The following RMDN3 variants were observed in gnomAD, a reference collection of about 807,000 sequenced individuals.
The protein encoded by RMDN3 is regulator of microtubule dynamics protein 3.
A neutral mutation model predicts 61.8 loss-of-function variants in RMDN3; 41 were observed. The observed-to-expected ratio is 0.66, with a 90% confidence interval of 0.52 to 0.86. RMDN3 has a LOEUF of 0.86. Among genes scored for constraint, RMDN3 ranks in the 40% least tolerant of loss-of-function variants. The probability of loss-of-function intolerance (pLI) is 0.00; values close to 1 mark genes in which losing one functional copy is unlikely to be tolerated. For synonymous variants in RMDN3, 247 were observed against 232.0 expected, an observed-to-expected ratio of 1.06 and a Z score of -0.59; for missense variants, 557 against 585.3, an observed-to-expected ratio of 0.95 and a Z score of 0.50.
At chr15:40,743,031 T>C (rs1471789719) in intron 6 of RMDN3, among the ~76,000 whole-genome samples, 1 of 152,272 alleles carries the variant, frequency 6.6e-6, no homozygotes, top group Non-Finnish European at 1.5e-5. Context: ...ATGTTTAGAA[T>C]GTTAACTTTG....
chr15:40,750,164 C>T (rs965306964), intron 4 of RMDN3, among the ~76,000 whole-genome samples: 3 of 151,208 alleles, frequency 2.0e-5, no homozygotes, highest in African/African-American at 4.9e-5. Context: ...AACTCCCGGC[C>T]TCCCAAGTAG....
At chr15:40,754,551 G>T (rs371320841) in intron 2 of RMDN3, 46 bp downstream of exon 2, 4 of 1,554,910 alleles carry the variant, frequency 2.6e-6, no homozygotes, top group Non-Finnish European at 3.5e-6. Context: ...CAGACCTCAG[G>T]CCCATTAGTC....
At chr15:40,747,416 G>C (rs1242263576) in intron 4 of RMDN3, among the ~76,000 whole-genome samples, 2 of 152,238 alleles carry the variant, frequency 1.3e-5, no homozygotes, top group Admixed American at 1.3e-4. Flanking sequence ...AGCTGGCATA[G>C]AAAGTAGACT....
rs1446137791 is a variant in RMDN3 at position 40,737,359 on chromosome 15, GATATTTCAGTAAGAGGTTCCT to G, written c.1225-39_1225-19del. 4.3e-6 allele frequency: 7 copies of G among 1,610,124 alleles called. No homozygotes were observed. Among genetic ancestry groups the G allele is most frequent in the Non-Finnish European group, 3.4e-6 (4 of 1,176,500 alleles). On this transcript the variant is annotated intron_variant, in intron 10 of 12. Transcript: ENST00000338376. ...TCTTCAGCCTGGGAAAAGGGACAAA[GATATTTCAGTAAGAGGTTCCT>G]ATATTCTAATCAGGCTGAAGTTTAT...
chr15:40,740,223 C>CA, intron 6 of RMDN3, 30 bp from the exon 7 acceptor site: 1 of 1,504,826 alleles, frequency 6.6e-7, no homozygotes, highest in African/African-American at 1.4e-5. Flanking sequence ...CCAGAGTTGA[C>CA]ATAGCTCTTA....
At chr15:40,737,931 G>T (rs779702744) in intron 9 of RMDN3, 34 bp downstream of exon 9, 2 of 1,608,550 alleles carry the variant, frequency 1.2e-6, no homozygotes, top group Non-Finnish European at 8.5e-7. Flanking sequence ...AAGGCATTTA[G>T]GACCATTATG....
chr15:40,738,336 C>T (rs1379044209), intron 8 of RMDN3, among the ~76,000 whole-genome samples, 165 bp downstream of exon 8: 1 of 151,942 alleles, frequency 6.6e-6, no homozygotes, highest in Non-Finnish European at 1.5e-5. Flanking sequence ...GAGCCAAGAT[C>T]ACACCACTGC....
chr15:40,749,354 A>G (rs1897714168), intron 4 of RMDN3, among the ~76,000 whole-genome samples: 1 of 152,222 alleles, frequency 6.6e-6, no homozygotes, highest in South Asian at 2.1e-4. Flanking sequence ...TCTGTACAAA[A>G]AAAATAAATA....
chr15:40,751,694 T>C (rs1213609394), intron 3 of RMDN3, 125 bp from the exon 4 acceptor site: 1 of 1,420,152 alleles, frequency 7.0e-7, no homozygotes, highest in East Asian at 2.3e-5. Flanking sequence ...AAATCCTAAG[T>C]CTCTAACCCT....
At chr15:40,736,858 T>C (rs527263473) in intron 12 of RMDN3, among the ~76,000 whole-genome samples, 26 of 152,282 alleles carry the variant, frequency 1.7e-4, no homozygotes, top group African/African-American at 6.3e-4. Flanking sequence ...GCAGTTTTGT[T>C]TGGTTTTTTT....
rs970398294 is a variant in RMDN3 at position 40,744,388 on chromosome 15, ACCT to A, written c.808-242_808-240del. On this transcript the variant is annotated intron_variant, in intron 5 of 12. Transcript: ENST00000338376. ...ACAATTACGGGGTGAGGGCATTCTG[ACCT>A]CCTAGAACTGCTGGGAGGAAAGGTC... The A allele has an allele frequency of 2.4e-4, 106 of 443,784 alleles. 1 individual carries two copies. Among genetic ancestry groups the A allele is most frequent in the African/African-American group, 1.2e-3 (60 of 49,222 alleles). The allele number at this position is 443,784 out of a possible 1,614,324, so 27.5% of individuals were successfully genotyped here. A position where few individuals can be genotyped will look rare whatever the true frequency, so the allele number is the denominator to read the frequency against.
intron 4 of RMDN3, among the ~76,000 whole-genome samples, chr15:40,746,237 TGG>T (rs1897542941): frequency 6.6e-6 from 1 of 152,026 alleles, no homozygotes; most frequent in Middle Eastern, 3.2e-3. Flanking sequence ...AACACAAGGC[TGG>T]GGGCGGTGGC....
intron 12 of RMDN3, among the ~76,000 whole-genome samples, 167 bp downstream of exon 12, chr15:40,736,957 G>A (rs978530629): frequency 5.3e-5 from 8 of 152,276 alleles, no homozygotes; most frequent in Non-Finnish European, 7.4e-5. Context: ...GGATTCAAGC[G>A]ATTCTCCAGC....
chr15:40,752,488 T>TAA (rs200722805), intron 2 of RMDN3, among the ~76,000 whole-genome samples: 229 of 114,444 alleles, frequency 2.0e-3, no homozygotes, highest in African/African-American at 6.4e-3. Context: ...CTGCTAGAGT[T>TAA]AAAAAAAAAC....
intron 12 of RMDN3, among the ~76,000 whole-genome samples, chr15:40,736,856 G>GTTTGGTT (rs965365766): frequency 7.2e-5 from 11 of 152,158 alleles, no homozygotes; most frequent in African/African-American, 2.6e-4. Flanking sequence ...AGGCAGTTTT[G>GTTTGGTT]TTTGGTTTTT....
At chr15:40,747,068 T>C (rs978136093) in intron 4 of RMDN3, among the ~76,000 whole-genome samples, 3 of 151,940 alleles carry the variant, frequency 2.0e-5, no homozygotes, top group Non-Finnish European at 4.4e-5. Context: ...AAATGCAAAA[T>C]GGGTAGATGG....
Position 40,738,562 on chromosome 15 carries a change from C to A in RMDN3, c.986G>T (p.Cys329Phe). The change falls in exon 8 of 13, where the codon TGT becomes TTT. Residue 329 changes from cysteine to phenylalanine, a missense_variant. Physicochemically the swap from Cys to Phe is radical, Grantham distance 205. Coordinates refer to ENST00000338376, the MANE Select transcript of RMDN3 (RefSeq NM_018145.3). ...ADCHLWYAVL[C>F]GQLAEHESIQ... ...GCTCTCATGCTCAGCCAGCTGACCA[C>A]AAAGCACCGCATACCTAGGGGGGAA... The A allele has an allele frequency of 1.9e-6, 3 of 1,614,064 alleles. No individual in the cohort carries two copies. The South Asian group carries it at 3.3e-5, about 18-fold the overall frequency.
In RMDN3 at chr15:40,752,167, G is replaced by T; in HGVS notation, c.199C>A (p.Arg67=). The change falls in exon 3 of 13, where the codon CGG becomes AGG. Residue 67 remains arginine (R), a synonymous_variant. Coordinates refer to ENST00000338376, the MANE Select transcript of RMDN3 (RefSeq NM_018145.3). ...SDPGRHVMLL[R]AVPGGAGDAS... ...TCTCCAGCCCCACCTGGGACAGCCC[G>T]CAGGAGCATCACTGAAGGGGGAAAC... 6.2e-7 allele frequency: 1 copy of T among 1,613,606 alleles called. No homozygotes were observed. Among genetic ancestry groups the T allele is most frequent in the Non-Finnish European group, 8.5e-7 (1 of 1,179,746 alleles).
chr15:40,744,671 CCTAGAGGTGAGAGGTAGAGCT>C (rs1312355144), intron 5 of RMDN3, among the ~76,000 whole-genome samples: 2 of 151,962 alleles, frequency 1.3e-5, no homozygotes, highest in African/African-American at 4.8e-5. Context: ...CACATTTCCC[CCTAGAGGTGAGAGGTAGAGCT>C]CTTTCTGCAG....
Sources: allele counts gnomAD v4.1 joint callset (sites outside exome capture counted in the v4.1 genomes callset), GRCh38; gene constraint gnomAD v4.1.1; transcripts MANE v1.5; gene names NCBI Gene and HGNC (gene_info 2026-07-23, HGNC 2026-07-21).